TRIM14: variants seen among roughly 807,000 people sequenced by gnomAD.
The protein encoded by TRIM14 is tripartite motif-containing protein 14.
TRIM14 carries 28 observed loss-of-function variants against 44.5 expected under a neutral mutation model. The observed-to-expected ratio is 0.63, with a 90% confidence interval of 0.47 to 0.86. The LOEUF (loss-of-function observed/expected upper bound fraction) is 0.86, where lower values mean the gene tolerates loss of function less well. TRIM14 is among the 40% of genes least tolerant of loss of function. The pLI is 0.00. For synonymous variants in TRIM14, 299 were observed against 269.2 expected, an observed-to-expected ratio of 1.11 and a Z score of -1.08; for missense variants, 607 against 611.1, an observed-to-expected ratio of 0.99 and a Z score of 0.07.
intron 6 of TRIM14, chr9:98,076,859 T>C: frequency 7.3e-7 from 1 of 1,379,032 alleles, no homozygotes. Context: ...TCCTTGCCTG[T>C]CATAACAACA....
chr9:98,041,292 G>A, the TRIM14 span, among the ~76,000 whole-genome samples: 2 of 152,164 alleles, frequency 1.3e-5, no homozygotes, highest in African/African-American at 4.8e-5. Flanking sequence ...ACTAACAACA[G>A]GTGTACTATA....
At chr9:98,044,005 CTTTTTTTTT>C in the TRIM14 span, among the ~76,000 whole-genome samples, 2 of 131,258 alleles carry the variant, frequency 1.5e-5, no homozygotes, top group Non-Finnish European at 3.2e-5. Flanking sequence ...TATTTGTTTC[CTTTTTTTTT>C]TTTTTTTTTT....
At position 98,119,198 on chromosome 9, in the gene TRIM14, C is replaced by T; in HGVS notation, c.-10G>A. On this transcript the variant is annotated 5_prime_UTR_variant, in exon 1 of 6. The change creates a new upstream start codon in the 5' untranslated region. Coordinates refer to ENST00000341469, the MANE Select transcript of TRIM14 (RefSeq NM_014788.4). ...TCGCCGCGCCCGCCATTCATCTCCA[C>T]CTCCTCCGGCTCCCCGGGACACAGG... 1 of 1,567,924 alleles carries T rather than the reference C, an allele frequency of 6.4e-7. No individual in the cohort carries two copies. The highest frequency in any genetic ancestry group is 8.6e-7 in the Non-Finnish European group (1 of 1,167,682).
In TRIM14 at chr9:98,094,967, G is replaced by A. The variant is rs375697376; in HGVS notation, c.600C>T (p.Pro200=). 4.2e-5 allele frequency: 67 copies of A among 1,614,052 alleles called. No individual in the cohort carries two copies. Among genetic ancestry groups the A allele is most frequent in the African/African-American group, 8.0e-5 (6 of 74,924 alleles). ...TGACGGGCTCAAAGGAGAGGGGCAC[G>A]GGATGGCACAGCTCCCCGAGGCTCA... ...QQMSLGELCH[P]VPLSFEPVKS... is the part of the protein sequence containing the mutation. Residue 200 remains proline, a synonymous_variant, in exon 4 of 6, where the codon CCC becomes CCT. Coordinates refer to ENST00000341469, the MANE Select transcript of TRIM14 (RefSeq NM_014788.4).
At chr9:98,046,062 G>A in the TRIM14 span, among the ~76,000 whole-genome samples, 1 of 152,146 alleles carries the variant, frequency 6.6e-6, no homozygotes, top group Non-Finnish European at 1.5e-5. Flanking sequence ...TAATATTGCA[G>A]GGGGTGTAAA....
chr9:98,109,662 G>C (rs990373861), intron 2 of TRIM14, among the ~76,000 whole-genome samples: 1 of 152,188 alleles, frequency 6.6e-6, no homozygotes, highest in African/African-American at 2.4e-5. Flanking sequence ...AAGGAAACCG[G>C]AGCTCAGGGC....
chr9:98,088,572 A>G (rs1564173520), intron 5 of TRIM14, among the ~76,000 whole-genome samples: 1 of 152,196 alleles, frequency 6.6e-6, no homozygotes, highest in Non-Finnish European at 1.5e-5. Flanking sequence ...GACGTTAGGT[A>G]ATCTGCTTTT....
intron 2 of TRIM14, among the ~76,000 whole-genome samples, chr9:98,109,435 C>T (rs2417731): frequency 0.7 from 105,878 of 152,212 alleles, 37,121 homozygotes; most frequent in East Asian, 0.9. Flanking sequence ...AGAGAATCCA[C>T]TCAAACATCA....
chr9:98,091,960 C>A lies in TRIM14; in HGVS notation c.742G>T (p.Gly248Cys), dbSNP rs748460318. Residue 248 changes from glycine to cysteine, a missense_variant, in exon 5 of 6, where the codon GGT becomes TGT. Gly to Cys is a radical substitution (Grantham distance 159, BLOSUM62 -3). This residue lies in a region of TRIM14 where 356 missense variants were observed against 323.0 expected (regional missense o/e 1.10). Transcript: ENST00000341469. ...GAGGGGCTGGTTTTCAACAAGGTAC[C>A]TGGCTTGGTGCTGGAAGGGTCTGAG... ...QLSDPSSTKP[G>C]TLLKTSPSPE... The A allele has an allele frequency of 6.2e-7, 1 of 1,610,804 alleles. No individual in the cohort carries two copies. The highest frequency in any genetic ancestry group is 8.5e-7 in the Non-Finnish European group (1 of 1,177,692).
At chr9:98,051,784 CAGAGA>C in the TRIM14 span, among the ~76,000 whole-genome samples, 1 of 151,544 alleles carries the variant, frequency 6.6e-6, no homozygotes, top group Non-Finnish European at 1.5e-5. Flanking sequence ...GAAATGCTAC[CAGAGA>C]AGATAGTGCA....
At chr9:98,060,853 G>T in the TRIM14 span, 1 of 1,614,014 alleles carries the variant, frequency 6.2e-7, no homozygotes, top group Non-Finnish European at 8.5e-7. Context: ...AAGCCTTGGA[G>T]AGGCCATACA....
At chr9:98,081,249 A>G (rs1564166688), downstream of TRIM14, 5 of 857,208 alleles carry the variant, frequency 5.8e-6, no homozygotes, top group South Asian at 7.1e-5. Context: ...TCAGTAATGC[A>G]TGTCACTCTG....
the TRIM14 span, among the ~76,000 whole-genome samples, chr9:98,047,413 C>CA: frequency 2.6e-5 from 4 of 151,944 alleles, no homozygotes; most frequent in Non-Finnish European, 5.9e-5. Flanking sequence ...TAGAGTGGAC[C>CA]ACTGCTGTAA....
At position 98,100,025 on chromosome 9, in the gene TRIM14, G is replaced by C; in HGVS notation, c.443C>G (p.Ala148Gly). The C allele has an allele frequency of 1.2e-6, 2 of 1,614,160 alleles. No homozygotes were observed. Among genetic ancestry groups the C allele is most frequent in the Non-Finnish European group, 1.7e-6 (2 of 1,180,018 alleles). Residue 148 changes from alanine to glycine, a missense_variant, in exon 3 of 6, where the codon GCT (alanine) becomes GGT (glycine). By Grantham distance (60) the Ala-to-Gly change is moderately conservative. Around this residue, in one of 3 missense-constraint regions of TRIM14, gnomAD observed 246 missense variants for 270.8 expected, o/e 0.91. Transcript: ENST00000341469. ...GTCAAGTTGCTCTCTGCAAGAGTCAGCTTGTTCCCTGTACACCTGGAGGGT... is the reference window on the plus strand; with the variant it reads ...GTCAAGTTGCTCTCTGCAAGAGTCACCTTGTTCCCTGTACACCTGGAGGGT... Reference protein sequence around the residue: ...QLTLQVYREQADSCREQLDIM... With the variant: ...QLTLQVYREQGDSCREQLDIM...
chr9:98,053,640 C>T, the TRIM14 span, among the ~76,000 whole-genome samples: 22 of 150,860 alleles, frequency 1.5e-4, no homozygotes, highest in Non-Finnish European at 2.5e-4. Flanking sequence ...GTTTAACATA[C>T]ACACACACAC....
downstream of TRIM14, chr9:98,081,797 T>C (rs1006674558): frequency 3.9e-5 from 6 of 152,206 alleles, no homozygotes; most frequent in African/African-American, 1.2e-4. Flanking sequence ...CCTGGGACTG[T>C]TGTCACCTTT....
In TRIM14 at chr9:98,087,649, G is replaced by A; in HGVS notation, c.1150C>T (p.Pro384Ser). 6.2e-7 allele frequency: 1 copy of A among 1,604,324 alleles called. No homozygotes were observed. The highest frequency in any genetic ancestry group is 8.5e-7 in the Non-Finnish European group (1 of 1,178,574). The change falls in exon 6 of 6, where the codon CCC (proline) becomes TCC (serine). Residue 384 changes from proline to serine, a missense_variant. Physicochemically the swap from Pro to Ser is moderately conservative, Grantham distance 74. This residue lies in a region of TRIM14 where 356 missense variants were observed against 323.0 expected (regional missense o/e 1.10). Coordinates refer to ENST00000341469, the MANE Select transcript of TRIM14 (RefSeq NM_014788.4). ...CCGAGCCGGTCGAGGTCGTCGCGGG[G>A]CCGCAGGCGGCTGCGCTGGCCGTCG... ...FHDGQRSRLR[P>S]RDDLDRLGVF...
chr9:98,056,049 T>C, the TRIM14 span, among the ~76,000 whole-genome samples: 1 of 152,152 alleles, frequency 6.6e-6, no homozygotes, highest in Non-Finnish European at 1.5e-5. Flanking sequence ...CAGGTGATTG[T>C]ATTTTAAGAG....
intron 1 of TRIM14, among the ~76,000 whole-genome samples, chr9:98,115,488 T>G (rs1270434436): frequency 6.6e-6 from 1 of 152,144 alleles, no homozygotes; most frequent in Non-Finnish European, 1.5e-5. Context: ...GACCTCGTGA[T>G]CCACCCACTT....
Sources: allele counts gnomAD v4.1 joint callset (sites outside exome capture counted in the v4.1 genomes callset), GRCh38; gene constraint gnomAD v4.1.1; regional missense constraint gnomAD v4.1.1; transcripts MANE v1.5; gene names NCBI Gene and HGNC (gene_info 2026-07-23, HGNC 2026-07-21).